Variants in BMPR1B observed in about 807,000 individuals in gnomAD.
The protein encoded by BMPR1B is bone morphogenetic protein receptor type-1B.
BMPR1B carries 12 observed loss-of-function variants against 59.1 expected under a neutral mutation model. The observed-to-expected ratio is 0.20, with a 90% CI of 0.13 to 0.33. The LOEUF is 0.33. Ranked by LOEUF, BMPR1B falls within the 10% of genes least tolerant of loss-of-function variation. BMPR1B has a pLI of 1.00. For synonymous variants in BMPR1B, 237 were observed against 207.3 expected (o/e 1.14, Z -1.23); for missense variants, 550 against 610.9 (o/e 0.90, Z 1.05).
chr4:95,059,322 G>A (rs1727165008), intron 3 of BMPR1B, among the ~76,000 whole-genome samples: 1 of 152,032 alleles, frequency 6.6e-6, no homozygotes, highest in Admixed American at 6.6e-5. Context: ...ATATATATAT[G>A]TGTGTGTGTG....
chr4:94,795,510 G>A (rs1046683837), intron 1 of BMPR1B, among the ~76,000 whole-genome samples: 2 of 151,920 alleles, frequency 1.3e-5, no homozygotes, highest in African/African-American at 2.4e-5. Flanking sequence ...TGTTGCTCAG[G>A]TTGGAGTGCA....
chr4:95,083,037 C>CAAAAA lies in BMPR1B; in HGVS notation c.-17-21352_-17-21348dup, dbSNP rs1171888403. ...TGGGCGACAGAGCAATACTCTGTCT[C>CAAAAA]AAAAAAAAAAAAAAAAAAAAAAAGA... On this transcript the variant is annotated intron_variant, in intron 3 of 12. Transcript: ENST00000515059. Among the ~76,000 whole-genome samples, 62 of 60,516 alleles carry CAAAAA rather than the reference C, an allele frequency of 1.0e-3. 1 individual carries two copies. Among genetic ancestry groups the CAAAAA allele is most frequent in the African/African-American group, 1.1e-3 (16 of 14,150 alleles). The allele number at this position is 60,516 out of a possible 152,430, so 39.7% of individuals were successfully genotyped here. A position where few individuals can be genotyped will look rare whatever the true frequency, so the allele number is the denominator to read the frequency against.
intron 1 of BMPR1B, among the ~76,000 whole-genome samples, chr4:94,770,634 A>C (rs567906963): frequency 5.6e-4 from 85 of 152,138 alleles, no homozygotes; most frequent in African/African-American, 2.0e-3. Flanking sequence ...CTTTTACATC[A>C]TTTGTAAAAA....
At chr4:94,775,382 C>A (rs1722328682) in intron 1 of BMPR1B, among the ~76,000 whole-genome samples, 1 of 152,078 alleles carries the variant, frequency 6.6e-6, no homozygotes, top group South Asian at 2.1e-4. Context: ...TGTTTCTAAG[C>A]CCAAAAATTA....
rs529983913 is a variant in BMPR1B at position 94,836,859 on chromosome 4, C to G, written c.-182-38972C>G. Among the ~76,000 whole-genome samples, 1,195 of 150,018 alleles carry G rather than the reference C, an allele frequency of 8.0e-3. 24 individuals are homozygous for G. The highest frequency in any genetic ancestry group is 0.027 in the African/African-American group (1,106 of 40,728). On this transcript the variant is annotated intron_variant, in intron 1 of 12. Transcript: ENST00000515059. ...ATGCCTATGTCCTGAATGGTATTGC[C>G]TAGGTTTTCTTCTAGGGTTTTTATG...
chr4:94,935,821 G>C (rs531477244), intron 2 of BMPR1B, among the ~76,000 whole-genome samples: 1 of 152,182 alleles, frequency 6.6e-6, no homozygotes, highest in South Asian at 2.1e-4. Flanking sequence ...GAAAATGTTA[G>C]CGGGGAGAAC....
intron 2 of BMPR1B, among the ~76,000 whole-genome samples, chr4:94,993,986 T>G (rs1721907061): frequency 6.6e-6 from 1 of 152,196 alleles, no homozygotes; most frequent in African/African-American, 2.4e-5. Context: ...ATATTTAAAA[T>G]AGCTGATGTG....
chr4:94,852,145 C>T (rs1387539395), intron 1 of BMPR1B, among the ~76,000 whole-genome samples: 1 of 152,092 alleles, frequency 6.6e-6, no homozygotes, highest in African/African-American at 2.4e-5. Context: ...GTAGTTACTA[C>T]AAGTGGATTA....
intron 1 of BMPR1B, among the ~76,000 whole-genome samples, chr4:94,843,149 G>A (rs558238800): frequency 1.3e-5 from 2 of 152,250 alleles, no homozygotes; most frequent in South Asian, 2.1e-4. Flanking sequence ...AAATCACATA[G>A]TTAGTAAATA....
intron 2 of BMPR1B, among the ~76,000 whole-genome samples, chr4:94,904,106 T>G (rs566071639): frequency 6.6e-6 from 1 of 152,066 alleles, no homozygotes; most frequent in South Asian, 2.1e-4. Flanking sequence ...TTAAAAAATT[T>G]CAAATGTGTA....
chr4:94,958,837 G>A (rs182965845), intron 2 of BMPR1B, among the ~76,000 whole-genome samples: 10 of 152,188 alleles, frequency 6.6e-5, no homozygotes, highest in African/African-American at 1.9e-4. Flanking sequence ...GACTCAGGCT[G>A]GAGTGGTCAG....
intron 3 of BMPR1B, among the ~76,000 whole-genome samples, chr4:95,096,873 T>C (rs1331778590): frequency 7.0e-6 from 1 of 141,960 alleles, no homozygotes; most frequent in Non-Finnish European, 1.5e-5. Flanking sequence ...ACTATAGTTA[T>C]ATATATATTT....
At chr4:94,866,029 A>G (rs1578737793) in intron 1 of BMPR1B, among the ~76,000 whole-genome samples, 1 of 152,324 alleles carries the variant, frequency 6.6e-6, no homozygotes, top group East Asian at 1.9e-4. Context: ...AACCTTTGGC[A>G]TAGAGGGGAA....
chr4:94,858,129 T>G (rs1725840800), intron 1 of BMPR1B, among the ~76,000 whole-genome samples: 1 of 151,820 alleles, frequency 6.6e-6, no homozygotes, highest in Non-Finnish European at 1.5e-5. Flanking sequence ...TTTTTGTATT[T>G]TTAGTAGAGA....
At position 95,154,809 on chromosome 4, in the gene BMPR1B, C is replaced by T. The variant is rs1735297100; in HGVS notation, c.*136C>T. 3.8e-6 allele frequency: 5 copies of T among 1,312,602 alleles called. No individual in the cohort carries two copies. The highest frequency in any genetic ancestry group is 5.4e-6 in the Non-Finnish European group (5 of 929,806). 81.3% of individuals were successfully genotyped at this position (1,312,602 alleles called of 1,614,324 possible). ...CCTGCTTCCCAGTGGGTTCAGACCTCACCTCTCAGGGAGCGACCTGGGCAA... is the reference window on the plus strand; with the variant it reads ...CCTGCTTCCCAGTGGGTTCAGACCTTACCTCTCAGGGAGCGACCTGGGCAA... On this transcript the variant is annotated 3_prime_UTR_variant, in exon 13 of 13. Coordinates refer to ENST00000515059, the MANE Select transcript of BMPR1B (RefSeq NM_001203.3).
chr4:94,923,934 C>T (rs994788048), intron 2 of BMPR1B, among the ~76,000 whole-genome samples: 3 of 152,134 alleles, frequency 2.0e-5, no homozygotes, highest in Non-Finnish European at 4.4e-5. Flanking sequence ...AAATAACATG[C>T]ATAAACCACT....
At chr4:95,117,894 G>C (rs1732189750) in intron 6 of BMPR1B, among the ~76,000 whole-genome samples, 1 of 152,132 alleles carries the variant, frequency 6.6e-6, no homozygotes, top group Non-Finnish European at 1.5e-5. Flanking sequence ...TAGGAATTTA[G>C]AAAAATAGTA....
intron 3 of BMPR1B, among the ~76,000 whole-genome samples, chr4:95,017,626 A>C (rs1723672984): frequency 6.6e-6 from 1 of 152,170 alleles, no homozygotes; most frequent in Non-Finnish European, 1.5e-5. Flanking sequence ...TCAGTATTTC[A>C]ATATTTCATC....
At chr4:94,790,263 G>T (rs1037296941) in intron 1 of BMPR1B, among the ~76,000 whole-genome samples, 2 of 152,128 alleles carry the variant, frequency 1.3e-5, no homozygotes, top group Admixed American at 6.6e-5. Context: ...ATATATTAAG[G>T]TTAATAATTT....
Sources: allele counts gnomAD v4.1 joint callset (sites outside exome capture counted in the v4.1 genomes callset), GRCh38; gene constraint gnomAD v4.1.1; transcripts MANE v1.5; gene names NCBI Gene and HGNC (gene_info 2026-07-23, HGNC 2026-07-21).